INSYN2B: variants seen among roughly 807,000 people sequenced by gnomAD.
INSYN2B encodes inhibitory synaptic factor family member 2B.
A neutral mutation model predicts 41.2 loss-of-function variants in INSYN2B; 16 were observed. The ratio of observed to expected loss-of-function variants is 0.39; its 90% CI spans 0.26 to 0.59. The LOEUF is 0.59. Ranked by LOEUF, INSYN2B falls within the 20% of genes least tolerant of loss-of-function variation. The pLI is 0.57. For missense variants in INSYN2B, 608 were observed against 646.4 expected, an observed-to-expected ratio of 0.94 and a Z score of 0.64; for synonymous variants, 245 against 244.4, an observed-to-expected ratio of 1.00 and a Z score of -0.02.
At chr5:169,972,582 TAGATGATA>T (rs747225282) in intron 1 of INSYN2B, among the ~76,000 whole-genome samples, 860 of 61,442 alleles carry the variant, frequency 0.014, 2 homozygotes, top group African/African-American at 0.032. Flanking sequence ...GATAGATAGA[TAGATGATA>T]GATAGATAGA....
At chr5:169,934,564 T>C in intron 1 of INSYN2B, 1 of 449,916 alleles carries the variant, frequency 2.2e-6, no homozygotes, top group Non-Finnish European at 4.5e-6. Context: ...CACACACACC[T>C]GGATCTAAAT....
Position 169,883,065 on chromosome 5 carries a change from C to T in INSYN2B, c.834G>A (p.Leu278=), listed in dbSNP as rs1561792803. The T allele has an allele frequency of 1.9e-6, 3 of 1,551,500 alleles. No individual in the cohort carries two copies. The highest frequency in any genetic ancestry group is 1.7e-6 in the Non-Finnish European group (2 of 1,146,956). Residue 278 remains leucine (L), a synonymous_variant, in exon 2 of 4, where the codon TTG becomes TTA. Transcript: ENST00000377365. The part of the protein sequence containing the change: ...TPGTEELKPE[L]LLPKDNSDDK... Reference sequence around the variant, plus strand: ...CATCTGAGTTGTCTTTGGGCAAAAGCAATTCAGGTTTAAGTTCCTCTGTGC... The same window carrying T: ...CATCTGAGTTGTCTTTGGGCAAAAGTAATTCAGGTTTAAGTTCCTCTGTGC...
At chr5:169,943,372 G>C (rs977767126) in intron 1 of INSYN2B, among the ~76,000 whole-genome samples, 1 of 152,066 alleles carries the variant, frequency 6.6e-6, no homozygotes, top group Admixed American at 6.5e-5. Context: ...CTTAGGTCCT[G>C]GACCTGTGGC....
At chr5:169,926,576 C>G (rs1775473283) in intron 1 of INSYN2B, among the ~76,000 whole-genome samples, 2 of 152,236 alleles carry the variant, frequency 1.3e-5, no homozygotes, top group South Asian at 4.1e-4. Context: ...AGTGATGTGG[C>G]ACATCAGCTC....
intron 1 of INSYN2B, among the ~76,000 whole-genome samples, chr5:169,928,481 G>A (rs1775583805): frequency 6.6e-6 from 1 of 152,210 alleles, no homozygotes; most frequent in African/African-American, 2.4e-5. Context: ...GCTTCCCCAT[G>A]CATCAGTGCT....
chr5:169,902,923 C>T (rs1191697581), intron 1 of INSYN2B, among the ~76,000 whole-genome samples: 1 of 152,044 alleles, frequency 6.6e-6, no homozygotes, highest in Non-Finnish European at 1.5e-5. Flanking sequence ...CATGGTGAAA[C>T]CCTGTCTCTA....
At chr5:169,904,633 C>T (rs766940953) in intron 1 of INSYN2B, among the ~76,000 whole-genome samples, 4 of 152,172 alleles carry the variant, frequency 2.6e-5, no homozygotes, top group Non-Finnish European at 5.9e-5. Context: ...AGCCTCTCCC[C>T]CTAGTGAGGG....
chr5:169,874,973 T>C (rs1442415709), intron 3 of INSYN2B, among the ~76,000 whole-genome samples: 1 of 152,068 alleles, frequency 6.6e-6, no homozygotes, highest in Non-Finnish European at 1.5e-5. Flanking sequence ...CATTCTCACC[T>C]TTACCCAACA....
chr5:169,925,896 G>T (rs1220385044), intron 1 of INSYN2B, among the ~76,000 whole-genome samples: 1 of 152,156 alleles, frequency 6.6e-6, no homozygotes, highest in Non-Finnish European at 1.5e-5. Context: ...AGCTGGGCCT[G>T]TTTTAGGTCT....
chr5:169,883,348 C>A lies in INSYN2B; in HGVS notation c.551G>T (p.Ser184Ile). The A allele has an allele frequency of 6.4e-7, 1 of 1,551,666 alleles. No homozygotes were observed. The highest frequency in any genetic ancestry group is 8.7e-7 in the Non-Finnish European group (1 of 1,146,950). The change falls in exon 2 of 4, where the codon AGC becomes ATC. Residue 184 changes from serine (S) to isoleucine (I), a missense_variant. Coordinates refer to ENST00000377365, the MANE Select transcript of INSYN2B (RefSeq NM_001129891.3). ...CCAAGTTCCTGCTTCCAAGCATATG[C>A]TAACAGGACCATTGCTTTGCACCTT... Reference protein sequence around the residue: ...VPKVQSNGPVSICLEAGTWRS... With the variant: ...VPKVQSNGPVIICLEAGTWRS...
At chr5:169,963,314 G>A (rs1027672155) in intron 1 of INSYN2B, among the ~76,000 whole-genome samples, 1 of 152,148 alleles carries the variant, frequency 6.6e-6, no homozygotes, top group Non-Finnish European at 1.5e-5. Context: ...ACCCACAGCA[G>A]CCCTGACCTG....
rs527279915 is a variant in INSYN2B at position 169,878,166 on chromosome 5, G to A, written c.1421+3202C>T. ...CTGGAAAAGTAGAGAAGGGAGTGAG[G>A]GAAGGAGGAGCAAGTGGCTTAGAGG... On this transcript the variant is annotated intron_variant, in intron 3 of 3. Coordinates refer to ENST00000377365, the MANE Select transcript of INSYN2B (RefSeq NM_001129891.3). 2.6e-4 allele frequency among the ~76,000 whole-genome samples: 40 copies of A among 152,206 alleles called. No homozygotes were observed. In the Middle Eastern group the frequency reaches 0.017, roughly 65 times the overall value.
chr5:169,908,015 C>T (rs1424273580), intron 1 of INSYN2B, among the ~76,000 whole-genome samples: 3 of 152,198 alleles, frequency 2.0e-5, no homozygotes, highest in African/African-American at 7.2e-5. Context: ...TCCTCTCTTG[C>T]TCTGCCTTCA....
intron 3 of INSYN2B, among the ~76,000 whole-genome samples, chr5:169,866,627 T>C (rs1771578665): frequency 6.6e-6 from 1 of 152,172 alleles, no homozygotes; most frequent in Admixed American, 6.5e-5. Flanking sequence ...GCTAATCCAG[T>C]GAATCTGTGT....
intron 1 of INSYN2B, among the ~76,000 whole-genome samples, chr5:169,940,214 G>A (rs1776182013): frequency 6.6e-6 from 1 of 152,188 alleles, no homozygotes; most frequent in Non-Finnish European, 1.5e-5. Flanking sequence ...AGGTAGAACT[G>A]TGCTGAGAAG....
chr5:169,949,532 G>A (rs992243114), intron 1 of INSYN2B, among the ~76,000 whole-genome samples: 5 of 151,802 alleles, frequency 3.3e-5, no homozygotes, highest in East Asian at 1.9e-4. Flanking sequence ...CATACTGAAT[G>A]GAGACTGAAT....
intron 1 of INSYN2B, among the ~76,000 whole-genome samples, chr5:169,967,493 A>AGGGAAGAGT: frequency 6.6e-6 from 1 of 152,180 alleles, no homozygotes; most frequent in Non-Finnish European, 1.5e-5. Flanking sequence ...TAAAGTTTAA[A>AGGGAAGAGT]GGGAAGAGTA....
At chr5:169,976,119 C>T (rs965931493) in intron 1 of INSYN2B, among the ~76,000 whole-genome samples, 1 of 152,190 alleles carries the variant, frequency 6.6e-6, no homozygotes, top group Non-Finnish European at 1.5e-5. Context: ...ATAATAAATT[C>T]AATCTCCCAT....
chr5:169,973,610 A>G (rs1777605570), intron 1 of INSYN2B, among the ~76,000 whole-genome samples: 1 of 152,154 alleles, frequency 6.6e-6, no homozygotes, highest in Non-Finnish European at 1.5e-5. Flanking sequence ...AGGACTTAGG[A>G]TGTGTCCAGT....
Sources: allele counts gnomAD v4.1 joint callset (sites outside exome capture counted in the v4.1 genomes callset), GRCh38; gene constraint gnomAD v4.1.1; transcripts MANE v1.5; gene names NCBI Gene and HGNC (gene_info 2026-07-23, HGNC 2026-07-21).